LUZP2: variants seen among roughly 807,000 people sequenced by gnomAD.
LUZP2 encodes leucine zipper protein 2.
In LUZP2, 52 loss-of-function variants were observed where a neutral mutation model predicts 51.6. The observed-to-expected ratio is 1.01, with a 90% CI of 0.81 to 1.27. LUZP2 has a LOEUF of 1.27. Ranked by LOEUF, LUZP2 falls within the 50% of genes most tolerant of loss-of-function variation. The probability of loss-of-function intolerance (pLI) is 0.00; values close to 1 mark genes in which losing one functional copy is unlikely to be tolerated. For missense variants in LUZP2, 436 were observed against 395.4 expected (o/e 1.10, Z -0.87); for synonymous variants, 154 against 137.3 (o/e 1.12, Z -0.85).
intron 1 of LUZP2, among the ~76,000 whole-genome samples, chr11:24,600,044 C>A (rs1446807411): frequency 1.3e-5 from 2 of 151,996 alleles, no homozygotes; most frequent in Admixed American, 6.6e-5. Context: ...ACACCTGGTA[C>A]CTGTGAATGT....
At chr11:24,696,397 T>C (rs558428718) in intron 1 of LUZP2, among the ~76,000 whole-genome samples, 199 of 152,282 alleles carry the variant, frequency 1.3e-3, no homozygotes, top group African/African-American at 4.7e-3. Flanking sequence ...TATCATACAA[T>C]GTTAATTCAA....
chr11:24,770,622 C>G (rs1261604047), intron 5 of LUZP2, among the ~76,000 whole-genome samples: 1 of 152,100 alleles, frequency 6.6e-6, no homozygotes, highest in African/African-American at 2.4e-5. Context: ...TTGCACAATT[C>G]AAGTCACTGG....
chr11:24,914,235 A>T (rs933968379), intron 6 of LUZP2, among the ~76,000 whole-genome samples: 1 of 152,176 alleles, frequency 6.6e-6, no homozygotes, highest in African/African-American at 2.4e-5. Flanking sequence ...GAGGAAGAAC[A>T]ATAATCGACT....
intron 7 of LUZP2, among the ~76,000 whole-genome samples, chr11:24,938,009 C>T (rs966573692): frequency 1.3e-5 from 2 of 152,018 alleles, no homozygotes; most frequent in African/African-American, 4.8e-5. Flanking sequence ...CCCACCTTTT[C>T]TCCTTCAAGA....
chr11:24,817,269 G>A (rs1325467547), intron 5 of LUZP2, among the ~76,000 whole-genome samples: 1 of 152,000 alleles, frequency 6.6e-6, no homozygotes, highest in Non-Finnish European at 1.5e-5. Context: ...ATGCATCAAA[G>A]TGTAATAATA....
chr11:24,595,142 A>C (rs192584439), intron 1 of LUZP2, among the ~76,000 whole-genome samples: 1 of 151,090 alleles, frequency 6.6e-6, no homozygotes, highest in Admixed American at 6.6e-5. Context: ...AGGCAATTTT[A>C]ATCTTTGTCA....
intron 4 of LUZP2, among the ~76,000 whole-genome samples, chr11:24,748,631 G>A (rs1242025821): frequency 6.6e-6 from 1 of 151,914 alleles, no homozygotes; most frequent in African/African-American, 2.4e-5. Flanking sequence ...AGCTAATTTT[G>A]TATTTTCAGA....
chr11:25,011,125 A>G (rs975155419), intron 9 of LUZP2, among the ~76,000 whole-genome samples: 8 of 152,072 alleles, frequency 5.3e-5, no homozygotes, highest in South Asian at 2.1e-4. Flanking sequence ...TGGGGCATAT[A>G]TATTTTATTT....
At chr11:24,882,811 G>GA (rs1852516607) in intron 5 of LUZP2, among the ~76,000 whole-genome samples, 1 of 119,650 alleles carries the variant, frequency 8.4e-6, no homozygotes, top group Admixed American at 8.5e-5. Context: ...AGGAAGGGAA[G>GA]AAGGGAGGGA....
chr11:24,657,903 C>T (rs1855866277), intron 1 of LUZP2, among the ~76,000 whole-genome samples: 2 of 152,112 alleles, frequency 1.3e-5, no homozygotes, highest in African/African-American at 4.8e-5. Flanking sequence ...AACTACAAAC[C>T]ACTGCTCAAT....
At chr11:24,497,348 C>T (rs1337366782) in intron 1 of LUZP2, 43 bp downstream of exon 1, 8 of 1,434,746 alleles carry the variant, frequency 5.6e-6, no homozygotes, top group East Asian at 5.6e-5. Flanking sequence ...GGGGCGCTGC[C>T]GGGGCGAGGT....
At chr11:24,886,964 CAG>C (rs1161405697) in intron 5 of LUZP2, among the ~76,000 whole-genome samples, 5 of 152,118 alleles carry the variant, frequency 3.3e-5, no homozygotes, top group Admixed American at 2.6e-4. Context: ...GTCTCTTTAA[CAG>C]AAAACTTCTT....
At chr11:24,938,078 A>G (rs1318700235) in intron 7 of LUZP2, among the ~76,000 whole-genome samples, 1 of 152,066 alleles carries the variant, frequency 6.6e-6, no homozygotes, top group Non-Finnish European at 1.5e-5. Flanking sequence ...TTTTAGACAA[A>G]TGTATTTGTT....
chr11:25,067,723 G>A (rs1859038341), intron 10 of LUZP2, among the ~76,000 whole-genome samples: 2 of 34,600 alleles, frequency 5.8e-5, no homozygotes, highest in African/African-American at 1.1e-4. Context: ...TACACTGTTG[G>A]TGGGAGTGTA....
chr11:25,058,756 T>C (rs1156387562), intron 10 of LUZP2, among the ~76,000 whole-genome samples: 1 of 152,242 alleles, frequency 6.6e-6, no homozygotes, highest in Non-Finnish European at 1.5e-5. Context: ...CCTCGACCAC[T>C]CCTGCCGTTG....
intron 1 of LUZP2, among the ~76,000 whole-genome samples, chr11:24,505,462 C>T (rs1352046056): frequency 1.3e-5 from 2 of 152,096 alleles, no homozygotes; most frequent in Non-Finnish European, 2.9e-5. Context: ...ATAGATATGT[C>T]AAGAGGATTG....
intron 1 of LUZP2, among the ~76,000 whole-genome samples, chr11:24,717,583 AT>A (rs71041797): frequency 1.2e-3 from 170 of 143,080 alleles, no homozygotes; most frequent in Admixed American, 2.3e-3. Context: ...AATTTTTTGT[AT>A]TTTTTTTTTT....
chr11:24,978,679 G>A (rs1270988846), intron 8 of LUZP2, among the ~76,000 whole-genome samples: 1 of 151,694 alleles, frequency 6.6e-6, no homozygotes, highest in Non-Finnish European at 1.5e-5. Context: ...ATTTTGTTTA[G>A]CACTAACAAT....
At chr11:24,766,288 A>AT (rs1441287070) in intron 5 of LUZP2, among the ~76,000 whole-genome samples, 3 of 152,140 alleles carry the variant, frequency 2.0e-5, no homozygotes, top group African/African-American at 7.2e-5. Context: ...ATTTCCTTGC[A>AT]TCAAATAATC....
Sources: gnomAD v4.1 joint callset for allele counts (sites outside exome capture counted in the v4.1 genomes callset) on GRCh38, gnomAD v4.1.1 for gene constraint, MANE v1.5 for transcripts, NCBI Gene and HGNC (gene_info 2026-07-23, HGNC 2026-07-21) for gene names.